The following DPY19L2 variants were observed in gnomAD, a reference collection of about 807,000 sequenced individuals.
The protein encoded by DPY19L2 is dpy-19 like 2.
In DPY19L2, 34 loss-of-function variants were observed where a neutral mutation model predicts 97.9. The observed-to-expected ratio is 0.35, with a 90% CI of 0.26 to 0.46. The LOEUF is 0.46. DPY19L2 is among the 20% of genes least tolerant of loss of function. DPY19L2 has a pLI of 1.00. For missense variants in DPY19L2, 623 were observed against 911.4 expected (o/e 0.68, Z 4.07); for synonymous variants, 230 against 307.9 (o/e 0.75, Z 2.65).
intron 6 of DPY19L2, among the ~76,000 whole-genome samples, 178 bp from the exon 7 acceptor site, chr12:63,626,704 G>C (rs1889609961): frequency 6.6e-6 from 1 of 152,076 alleles, no homozygotes; most frequent in African/African-American, 2.4e-5. Flanking sequence ...ATTCTAAAAA[G>C]TGTACGTATA....
chr12:63,572,314 G>A (rs1334492662), intron 19 of DPY19L2, among the ~76,000 whole-genome samples: 1 of 152,190 alleles, frequency 6.6e-6, no homozygotes, highest in African/African-American at 2.4e-5. Context: ...GGTAGTGGTG[G>A]AAATGAGGAG....
rs1888631148 is a variant in DPY19L2 at position 63,621,145 on chromosome 12, C to T, written c.1053+93G>A. The stretch of plus-strand genomic sequence containing the variant: ...TTGATAGATGCAAAAACCACCATGG[C>T]ATACATTTACCTACATAACAAACCT... On this transcript the variant is annotated intron_variant, in intron 9 of 21. Coordinates refer to ENST00000324472, the MANE Select transcript of DPY19L2 (RefSeq NM_173812.5). 31 of 962,564 alleles carry T rather than the reference C, an allele frequency of 3.2e-5. No individual in the cohort carries two copies. The East Asian group carries it at 8.0e-4, about 25-fold the overall frequency. 59.6% of individuals were successfully genotyped at this position (962,564 alleles called of 1,614,324 possible). A position where few individuals can be genotyped will look rare whatever the true frequency, so the allele number is the denominator to read the frequency against.
rs578134760 is a variant in DPY19L2 at position 63,656,543 on chromosome 12, T to A, written c.588+4801A>T. On this transcript the variant is annotated intron_variant, in intron 4 of 21. Transcript: ENST00000324472. Reference sequence around the variant, plus strand: ...CATTCATGCATTTGTTTGATATTTATCCTTTTTGATGTTCTCTGAGTTTCT... The same window carrying A: ...CATTCATGCATTTGTTTGATATTTAACCTTTTTGATGTTCTCTGAGTTTCT... Among the ~76,000 whole-genome samples the A allele has an allele frequency of 1.7e-3, 265 of 152,336 alleles. 2 individuals are homozygous for A. Among genetic ancestry groups the A allele is most frequent in the African/African-American group, 6.2e-3 (259 of 41,584 alleles).
chr12:63,600,208 A>G, intron 13 of DPY19L2, 98 bp downstream of exon 13: 1 of 1,006,554 alleles, frequency 9.9e-7, no homozygotes, highest in Non-Finnish European at 1.5e-6. Flanking sequence ...AAGGCACTTA[A>G]CCTCTGTAAA....
chr12:63,585,161 A>C (rs1304419657), intron 16 of DPY19L2, among the ~76,000 whole-genome samples: 1 of 151,910 alleles, frequency 6.6e-6, no homozygotes, highest in East Asian at 1.9e-4. Context: ...ATCTTCATGG[A>C]GTTTATATTA....
intron 15 of DPY19L2, among the ~76,000 whole-genome samples, chr12:63,594,728 C>T: frequency 6.6e-6 from 1 of 151,848 alleles, no homozygotes; most frequent in Admixed American, 6.6e-5. Flanking sequence ...TGTCTGGAAA[C>T]TAGTAATGTA....
At chr12:63,596,561 G>A (rs1884280831) in intron 14 of DPY19L2, among the ~76,000 whole-genome samples, 1 of 152,112 alleles carries the variant, frequency 6.6e-6, no homozygotes, top group South Asian at 2.1e-4. Context: ...TTTCTTAAAA[G>A]CAAGAAACCA....
chr12:63,651,483 A>T (rs987767511), intron 4 of DPY19L2: 1 of 155,296 alleles, frequency 6.4e-6, no homozygotes, highest in Non-Finnish European at 1.4e-5. Context: ...AAAGGGAGAA[A>T]ATATTTGCAA....
At chr12:63,625,621 G>A (rs1211509413) in intron 7 of DPY19L2, among the ~76,000 whole-genome samples, 3 of 151,984 alleles carry the variant, frequency 2.0e-5, no homozygotes, top group Non-Finnish European at 2.9e-5. Flanking sequence ...TGTTTCATTG[G>A]GCTGAATTAG....
chr12:63,668,291 C>G lies in DPY19L2; in HGVS notation c.103G>C (p.Glu35Gln), dbSNP rs1277625681. 1 of 1,613,978 alleles carries G rather than the reference C, an allele frequency of 6.2e-7. No individual in the cohort carries two copies. Among genetic ancestry groups the G allele is most frequent in the Admixed American group, 1.7e-5 (1 of 60,032 alleles). The part of the protein sequence containing the change: ...ASLAREPEVE[E>Q]EMEKSALGGG... ...CCTAGGGCCGACTTTTCCATCTCCT[C>G]CTCTACCTCCGGCTCCCGGGCGAGG... The change falls in exon 1 of 22, where the codon GAG becomes CAG. Residue 35 changes from glutamate (E) to glutamine (Q), a missense_variant. This residue lies in a region of DPY19L2 where 144 missense variants were observed against 119.4 expected (regional missense o/e 1.21). Transcript: ENST00000324472.
chr12:63,623,744 G>A, intron 8 of DPY19L2: 1 of 262,006 alleles, frequency 3.8e-6, no homozygotes, highest in Non-Finnish European at 7.6e-6. Context: ...TTGCTCTCTT[G>A]CCCAGGCTGG....
At chr12:63,597,708 T>C in intron 14 of DPY19L2, 101 bp downstream of exon 14, 1 of 1,013,410 alleles carries the variant, frequency 9.9e-7, no homozygotes, top group East Asian at 2.5e-5. Context: ...AAATATAAAA[T>C]AAGTTGACTG....
chr12:63,565,636 G>C (rs1877523052), intron 21 of DPY19L2, among the ~76,000 whole-genome samples: 1 of 152,050 alleles, frequency 6.6e-6, no homozygotes, highest in South Asian at 2.1e-4. Flanking sequence ...GCCATCGTGG[G>C]GGGCTCATTA....
chr12:63,614,999 C>T (rs1265706125), intron 11 of DPY19L2, among the ~76,000 whole-genome samples: 2 of 151,994 alleles, frequency 1.3e-5, no homozygotes, highest in African/African-American at 4.8e-5. Flanking sequence ...CAAGAGAGAC[C>T]TGGAAAAACT....
At chr12:63,625,734 C>G in intron 7 of DPY19L2, among the ~76,000 whole-genome samples, 1 of 152,036 alleles carries the variant, frequency 6.6e-6, no homozygotes, top group East Asian at 1.9e-4. Context: ...TTAACTGTGT[C>G]CCTGCTGTCA....
intron 4 of DPY19L2, among the ~76,000 whole-genome samples, chr12:63,648,467 C>T (rs1211933615): frequency 3.3e-5 from 5 of 151,750 alleles, no homozygotes; most frequent in African/African-American, 9.7e-5. Context: ...GCTCTTTTCA[C>T]TCAGGCTGGA....
chr12:63,658,544 G>A (rs1266703655), intron 4 of DPY19L2, among the ~76,000 whole-genome samples: 6 of 152,090 alleles, frequency 3.9e-5, no homozygotes, highest in African/African-American at 1.4e-4. Flanking sequence ...TTTGTCAACT[G>A]TCTTTTGATT....
At chr12:63,615,900 C>T (rs1304751325) in intron 11 of DPY19L2, among the ~76,000 whole-genome samples, 1 of 151,746 alleles carries the variant, frequency 6.6e-6, no homozygotes, top group East Asian at 1.9e-4. Context: ...CCAGTTGCTG[C>T]AGATTCAACC....
intron 15 of DPY19L2, 43 bp from the exon 16 acceptor site, chr12:63,594,176 T>C (rs1455202545): frequency 1.0e-5 from 14 of 1,354,988 alleles, no homozygotes; most frequent in African/African-American, 1.5e-5. Flanking sequence ...TAAGGAATAC[T>C]GCAATATTTA....
Sources: allele counts gnomAD v4.1 joint callset (sites outside exome capture counted in the v4.1 genomes callset), GRCh38; gene constraint gnomAD v4.1.1; regional missense constraint gnomAD v4.1.1; transcripts MANE v1.5; gene names NCBI Gene and HGNC (gene_info 2026-07-23, HGNC 2026-07-21).